The following MGAT5 variants were observed in gnomAD, a reference collection of about 807,000 sequenced individuals.
MGAT5 encodes the protein alpha-1,6-mannosylglycoprotein 6-beta-N-acetylglucosaminyltransferase A.
Under a neutral mutation model 94.3 loss-of-function variants are expected in MGAT5, and 30 were observed. The ratio of observed to expected loss-of-function variants is 0.32; its 90% CI spans 0.24 to 0.43. The LOEUF (loss-of-function observed/expected upper bound fraction) is 0.43. Ranked by LOEUF, MGAT5 falls within the 20% of genes least tolerant of loss-of-function variation. The probability of loss-of-function intolerance (pLI) is 1.00; values close to 1 mark genes in which losing one functional copy is unlikely to be tolerated. For missense variants in MGAT5, 691 were observed against 905.5 expected, an observed-to-expected ratio of 0.76 and a Z score of 3.04; for synonymous variants, 310 against 322.9, an observed-to-expected ratio of 0.96 and a Z score of 0.43.
intron 1 of MGAT5, among the ~76,000 whole-genome samples, chr2:134,130,874 A>G (rs540130125): frequency 3.3e-5 from 5 of 152,306 alleles, no homozygotes; most frequent in African/African-American, 1.2e-4. Flanking sequence ...GTCTAGCTAA[A>G]GGATTGTAAA....
intron 1 of MGAT5, among the ~76,000 whole-genome samples, chr2:134,184,700 A>G (rs952600480): frequency 6.6e-6 from 1 of 152,024 alleles, no homozygotes; most frequent in Non-Finnish European, 1.5e-5. Context: ...ACACATCAGT[A>G]GATAATTATA....
chr2:134,183,253 G>T (rs907016350), intron 1 of MGAT5, among the ~76,000 whole-genome samples: 10 of 152,098 alleles, frequency 6.6e-5, no homozygotes, highest in Non-Finnish European at 1.5e-4. Context: ...TGTTCTTCAA[G>T]GTAGTAAAAT....
At position 134,403,154 on chromosome 2, in the gene MGAT5, G is replaced by A; in HGVS notation, c.1530+17G>A. 2 of 1,596,516 alleles carry A rather than the reference G, an allele frequency of 1.3e-6. No individual in the cohort carries two copies. The highest frequency in any genetic ancestry group is 1.7e-6 in the Non-Finnish European group (2 of 1,175,510). ...GAAACCAAGGTAAAAATTCACCACG[G>A]ATGTGGTGTTCAGGTTATTGCCATT... On this transcript the variant is annotated intron_variant, in intron 11 of 15. Coordinates refer to ENST00000281923, the MANE Select transcript of MGAT5 (RefSeq NM_002410.5).
In MGAT5 at chr2:134,317,259, C is replaced by T. The variant is rs552181212; in HGVS notation, c.407-270C>T. Among the ~76,000 whole-genome samples the T allele has an allele frequency of 5.9e-5, 9 of 152,200 alleles. No individual in the cohort carries two copies. The South Asian group carries it at 1.0e-3, about 18-fold the overall frequency. On this transcript the variant is annotated intron_variant, in intron 2 of 15. Coordinates refer to ENST00000281923, the MANE Select transcript of MGAT5 (RefSeq NM_002410.5). ...TCCCTATTGCTGATTTCTAAGTAAG[C>T]GCTCTGGTTGGCTTGGCTCACTTTT...
rs1043459463 is a variant in MGAT5 at position 134,453,216 on chromosome 2, A to G, written c.*4369A>G. 1.3e-5 allele frequency: 2 copies of G among 152,224 alleles called. No individual in the cohort carries two copies. The highest frequency in any genetic ancestry group is 2.9e-5 in the Non-Finnish European group (2 of 68,034). 9.4% of individuals were successfully genotyped at this position (152,224 alleles called of 1,614,324 possible). On this transcript the variant is annotated 3_prime_UTR_variant, in exon 16 of 16. Transcript: ENST00000281923. The stretch of plus-strand genomic sequence containing the variant: ...TCCAAGTTGATTGAATGTTGTAGGA[A>G]TTACTGGTTTAGAGTAGCCCAGTTC...
intron 1 of MGAT5, among the ~76,000 whole-genome samples, chr2:134,239,714 G>C (rs1681866931): frequency 6.6e-6 from 1 of 151,788 alleles, no homozygotes; most frequent in Admixed American, 6.6e-5. Flanking sequence ...GATGTGGATG[G>C]ATCTAGGGGG....
intron 11 of MGAT5, among the ~76,000 whole-genome samples, chr2:134,407,286 G>T (rs1026869007): frequency 6.6e-6 from 1 of 152,112 alleles, no homozygotes; most frequent in Non-Finnish European, 1.5e-5. Context: ...GTTCCCATTT[G>T]CCCTCAGGCA....
At chr2:134,172,998 C>T (rs1036552750) in intron 1 of MGAT5, among the ~76,000 whole-genome samples, 2 of 152,170 alleles carry the variant, frequency 1.3e-5, no homozygotes, top group East Asian at 3.9e-4. Context: ...AAAGCATTAA[C>T]GTTAGAGCTA....
At chr2:134,371,650 G>A (rs1404668200) in intron 10 of MGAT5, among the ~76,000 whole-genome samples, 4 of 152,170 alleles carry the variant, frequency 2.6e-5, no homozygotes, top group Non-Finnish European at 5.9e-5. Flanking sequence ...CTGCATCTGG[G>A]ACTTGGAGCC....
At chr2:134,397,365 C>T (rs1294635072) in intron 10 of MGAT5, among the ~76,000 whole-genome samples, 1 of 152,144 alleles carries the variant, frequency 6.6e-6, no homozygotes, top group Non-Finnish European at 1.5e-5. Flanking sequence ...GGGTAACAGA[C>T]GGTGTGTCTG....
intron 4 of MGAT5, among the ~76,000 whole-genome samples, chr2:134,332,033 A>G (rs970408729): frequency 4.6e-5 from 7 of 152,044 alleles, no homozygotes; most frequent in East Asian, 3.9e-4. Flanking sequence ...TATAGATTCA[A>G]TGCCATCCCC....
intron 4 of MGAT5, among the ~76,000 whole-genome samples, chr2:134,333,224 C>T (rs1384405099): frequency 6.6e-6 from 1 of 151,952 alleles, no homozygotes; most frequent in Non-Finnish European, 1.5e-5. Context: ...GAAAATGTGG[C>T]ACATATACAC....
chr2:134,206,310 G>A (rs1269462594), intron 1 of MGAT5, among the ~76,000 whole-genome samples: 1 of 152,206 alleles, frequency 6.6e-6, no homozygotes, highest in Admixed American at 6.5e-5. Context: ...ATGCTAATGG[G>A]AGAAGGAGCA....
intron 14 of MGAT5, among the ~76,000 whole-genome samples, chr2:134,429,138 G>A (rs916406808): frequency 2.6e-5 from 4 of 152,202 alleles, no homozygotes; most frequent in African/African-American, 9.7e-5. Context: ...CAGAAATAAG[G>A]TGCTCTTCCT....
intron 11 of MGAT5, among the ~76,000 whole-genome samples, chr2:134,406,933 C>A (rs1254191260): frequency 6.6e-6 from 1 of 152,132 alleles, no homozygotes; most frequent in East Asian, 1.9e-4. Context: ...AGGCAGCAGA[C>A]TCTCCTGCAG....
At chr2:134,179,379 A>G (rs1383066467) in intron 1 of MGAT5, among the ~76,000 whole-genome samples, 1 of 152,206 alleles carries the variant, frequency 6.6e-6, no homozygotes, top group Non-Finnish European at 1.5e-5. Context: ...AATCAGTAAC[A>G]TAAGGTGTCG....
intron 1 of MGAT5, among the ~76,000 whole-genome samples, chr2:134,162,236 T>C (rs755682932): frequency 2.0e-5 from 3 of 152,064 alleles, no homozygotes; most frequent in Admixed American, 2.0e-4. Context: ...AAAGAAATGG[T>C]TCTCCTTGCA....
intron 8 of MGAT5, among the ~76,000 whole-genome samples, chr2:134,347,380 G>A (rs765630826): frequency 4.6e-5 from 7 of 152,134 alleles, no homozygotes; most frequent in Non-Finnish European, 8.8e-5. Context: ...ACATCTAGGC[G>A]CTGTGCAAAG....
intron 2 of MGAT5, among the ~76,000 whole-genome samples, chr2:134,291,337 G>C (rs1286457681): frequency 1.3e-5 from 2 of 152,106 alleles, no homozygotes; most frequent in Admixed American, 6.5e-5. Flanking sequence ...TTGTCTGTGA[G>C]GATACAAGGA....
Sources: gnomAD v4.1 joint callset for allele counts (sites outside exome capture counted in the v4.1 genomes callset) on GRCh38, gnomAD v4.1.1 for gene constraint, MANE v1.5 for transcripts, NCBI Gene and HGNC (gene_info 2026-07-23, HGNC 2026-07-21) for gene names.